Variants in APPBP2 observed in about 807,000 individuals in gnomAD.
APPBP2 encodes amyloid protein-binding protein 2.
In APPBP2, 15 loss-of-function variants were observed where a neutral mutation model predicts 76.0. The ratio of observed to expected loss-of-function variants is 0.20; its 90% confidence interval spans 0.13 to 0.30. The LOEUF (loss-of-function observed/expected upper bound fraction) is 0.30, where lower values mean the gene tolerates loss of function less well. Among genes scored for constraint, APPBP2 ranks in the 10% least tolerant of loss-of-function variants. APPBP2 has a pLI of 1.00. For missense variants in APPBP2, 401 were observed against 687.2 expected (o/e 0.58, Z 4.66); for synonymous variants, 222 against 242.2 (o/e 0.92, Z 0.77).
Position 60,462,676 on chromosome 17 carries a change from C to G in APPBP2, c.763-615G>C, listed in dbSNP as rs576258871. On this transcript the variant is annotated intron_variant, in intron 6 of 12. Coordinates refer to ENST00000083182, the MANE Select transcript of APPBP2 (RefSeq NM_006380.5). ...TAGAAATATAAATCTTGTGGCCGGG[C>G]ACAGTGGCTCATGCCTGTAATCCCA... is the stretch of plus-strand genomic sequence containing the variant. 7.9e-5 allele frequency: 12 copies of G among 152,352 alleles called. No homozygotes were observed. The South Asian group carries it at 2.5e-3, about 32-fold the overall frequency. The allele number at this position is 152,352 out of a possible 1,614,324, so 9.4% of individuals were successfully genotyped here.
intron 1 of APPBP2, among the ~76,000 whole-genome samples, chr17:60,505,534 T>C (rs909145687): frequency 4.6e-5 from 7 of 151,950 alleles, no homozygotes; most frequent in African/African-American, 1.7e-4. Context: ...CCAGGATAGT[T>C]TCGATCTCCT....
intron 3 of APPBP2, among the ~76,000 whole-genome samples, chr17:60,489,527 C>G (rs1598361860): frequency 6.7e-6 from 1 of 148,272 alleles, no homozygotes; most frequent in East Asian, 2.0e-4. Context: ...AGCAGAATCA[C>G]TTCAACCCAG....
At chr17:60,457,879 T>G (rs1391683817) in intron 9 of APPBP2, among the ~76,000 whole-genome samples, 4 of 152,256 alleles carry the variant, frequency 2.6e-5, no homozygotes, top group African/African-American at 7.2e-5. Context: ...CAGAGTAGTA[T>G]GCCAATCACC....
chr17:60,456,614 A>G (rs1427266793), intron 9 of APPBP2, among the ~76,000 whole-genome samples: 1 of 152,112 alleles, frequency 6.6e-6, no homozygotes, highest in Non-Finnish European at 1.5e-5. Flanking sequence ...ACAGACTACA[A>G]GATTCTACAT....
intron 4 of APPBP2, among the ~76,000 whole-genome samples, chr17:60,470,869 C>T (rs895362879): frequency 2.0e-5 from 3 of 151,756 alleles, no homozygotes; most frequent in African/African-American, 7.3e-5. Flanking sequence ...CAGCTCACTG[C>T]AACCTCTGCC....
intron 5 of APPBP2, 96 bp from the exon 6 acceptor site, chr17:60,464,206 A>G: frequency 1.3e-6 from 1 of 776,770 alleles, no homozygotes. Context: ...AAGCACTTAA[A>G]TAAGAACACA....
chr17:60,478,893 G>C (rs2090609672), intron 4 of APPBP2, among the ~76,000 whole-genome samples: 1 of 152,028 alleles, frequency 6.6e-6, no homozygotes, highest in Non-Finnish European at 1.5e-5. Context: ...CTGGGTGAAA[G>C]AGCGAGACTC....
chr17:60,471,444 T>C (rs554445744), intron 4 of APPBP2, among the ~76,000 whole-genome samples: 120 of 152,290 alleles, frequency 7.9e-4, no homozygotes, highest in African/African-American at 2.6e-3. Flanking sequence ...GATGTTATTG[T>C]GAGTTTTTCA....
In APPBP2 at chr17:60,509,567, C is replaced by A. The variant is rs1175508004; in HGVS notation, c.139-9080G>T. Among the ~76,000 whole-genome samples the A allele has an allele frequency of 2.6e-5, 4 of 152,134 alleles. No homozygotes were observed. In the East Asian group the frequency reaches 7.7e-4, roughly 29 times the overall value. On this transcript the variant is annotated intron_variant, in intron 1 of 12. Transcript: ENST00000083182. ...CCTGTAATCCCAGCACCTTAGGAGGCCTAGGCAGGCGGATCACCTGAGGTT... is the reference window on the plus strand; with the variant it reads ...CCTGTAATCCCAGCACCTTAGGAGGACTAGGCAGGCGGATCACCTGAGGTT...
At chr17:60,496,039 A>G (rs762039096) in intron 2 of APPBP2, among the ~76,000 whole-genome samples, 3 of 152,238 alleles carry the variant, frequency 2.0e-5, no homozygotes, top group African/African-American at 7.2e-5. Flanking sequence ...AAAAGACCAT[A>G]TAAGAATCAA....
chr17:60,447,678 G>A lies in APPBP2; in HGVS notation c.1661C>T (p.Thr554Ile), dbSNP rs2090360298. The change falls in exon 13 of 13, where the codon ACA (threonine) becomes ATA (isoleucine). Residue 554 changes from threonine to isoleucine, a missense_variant. Physicochemically the swap from Thr to Ile is moderately conservative, Grantham distance 89 (BLOSUM62 -1). Around this residue, in one of 5 missense-constraint regions of APPBP2, gnomAD observed 56 missense variants for 76.5 expected, o/e 0.73. Coordinates refer to ENST00000083182, the MANE Select transcript of APPBP2 (RefSeq NM_006380.5). ...GGTGCTGACATCTTCAAGAGCATCT[G>A]TCACTGAATATTGCCGATCTCGCAA... Reference protein sequence around the residue: ...NRLRDRQYSVTDALEDVSTSP... With the variant: ...NRLRDRQYSVIDALEDVSTSP... The A allele has an allele frequency of 6.2e-7, 1 of 1,613,988 alleles. No individual in the cohort carries two copies. Among genetic ancestry groups the A allele is most frequent in the Non-Finnish European group, 8.5e-7 (1 of 1,180,022 alleles).
intron 3 of APPBP2, among the ~76,000 whole-genome samples, chr17:60,491,909 G>T (rs2090732768): frequency 6.6e-6 from 1 of 152,222 alleles, no homozygotes; most frequent in South Asian, 2.1e-4. Context: ...AGACAATGGA[G>T]AAAATGTCTC....
chr17:60,462,407 C>T (rs1244391586), intron 6 of APPBP2: 4 of 197,982 alleles, frequency 2.0e-5, no homozygotes. Context: ...TTCTAAGGTC[C>T]TTATATCCCA....
chr17:60,481,307 T>C (rs1341468187), intron 3 of APPBP2, among the ~76,000 whole-genome samples: 2 of 152,206 alleles, frequency 1.3e-5, no homozygotes, highest in Non-Finnish European at 2.9e-5. Context: ...CGATTTGTAT[T>C]AGGCCAGGTA....
At chr17:60,483,463 G>A (rs1334679398) in intron 3 of APPBP2, among the ~76,000 whole-genome samples, 4 of 151,768 alleles carry the variant, frequency 2.6e-5, no homozygotes, top group African/African-American at 7.3e-5. Flanking sequence ...GCGCAATCTC[G>A]GCTCACTGCA....
At chr17:60,472,170 CA>C (rs1449803815) in intron 4 of APPBP2, among the ~76,000 whole-genome samples, 3 of 151,602 alleles carry the variant, frequency 2.0e-5, no homozygotes, top group African/African-American at 7.3e-5. Flanking sequence ...AAAACAAAAA[CA>C]AAAACAAAAC....
intron 4 of APPBP2, among the ~76,000 whole-genome samples, chr17:60,476,456 G>C (rs1167678478): frequency 6.6e-6 from 1 of 151,960 alleles, no homozygotes. Context: ...TTAAAAAAAG[G>C]CTAAGTCATA....
intron 3 of APPBP2, among the ~76,000 whole-genome samples, chr17:60,493,114 C>T (rs1055067745): frequency 1.3e-4 from 20 of 152,168 alleles, no homozygotes; most frequent in African/African-American, 4.8e-4. Flanking sequence ...TTCTCGTCTG[C>T]CACCATATAA....
intron 1 of APPBP2, among the ~76,000 whole-genome samples, chr17:60,509,021 G>A (rs1359604435): frequency 2.6e-5 from 4 of 152,170 alleles, no homozygotes; most frequent in Non-Finnish European, 5.9e-5. Flanking sequence ...CTCAAGAGGT[G>A]TATCAAGAAA....
Sources: allele counts gnomAD v4.1 joint callset (sites outside exome capture counted in the v4.1 genomes callset), GRCh38; gene constraint gnomAD v4.1.1; regional missense constraint gnomAD v4.1.1; transcripts MANE v1.5; gene names NCBI Gene and HGNC (gene_info 2026-07-23, HGNC 2026-07-21).